The following ZBTB20 variants were observed in gnomAD, a reference collection of about 807,000 sequenced individuals.
ZBTB20 encodes the protein zinc finger and BTB domain-containing protein 20.
A neutral mutation model predicts 56.9 loss-of-function variants in ZBTB20; 9 were observed. The ratio of observed to expected loss-of-function variants is 0.16; its 90% CI spans 0.10 to 0.28. The LOEUF (loss-of-function observed/expected upper bound fraction) is 0.28, where lower values mean the gene tolerates loss of function less well. Among genes scored for constraint, ZBTB20 ranks in the 10% least tolerant of loss-of-function variants. The pLI, the probability that ZBTB20 is intolerant of heterozygous loss-of-function variation, is 1.00. For missense variants in ZBTB20, 655 were observed against 1,003.0 expected (o/e 0.65, Z 4.69); for synonymous variants, 417 against 420.7 (o/e 0.99, Z 0.11).
At chr3:114,933,680 G>GC (rs1048729707) in intron 3 of ZBTB20, among the ~76,000 whole-genome samples, 17 of 152,280 alleles carry the variant, frequency 1.1e-4, no homozygotes, top group African/African-American at 4.1e-4. Flanking sequence ...TCCTAGAACT[G>GC]CAACAGCTAA....
chr3:114,624,464 C>A (rs2058533936), intron 6 of ZBTB20, among the ~76,000 whole-genome samples: 1 of 151,640 alleles, frequency 6.6e-6, no homozygotes, highest in African/African-American at 2.4e-5. Context: ...CCTGAAACTA[C>A]CTCCCTCAAA....
At chr3:114,550,094 T>C (rs956873971) in intron 6 of ZBTB20, among the ~76,000 whole-genome samples, 17 of 151,410 alleles carry the variant, frequency 1.1e-4, no homozygotes, top group East Asian at 5.8e-4. Flanking sequence ...CCCGCCACCA[T>C]GCCTAGCTAA....
chr3:115,001,465 A>G (rs2079244592), intron 2 of ZBTB20, among the ~76,000 whole-genome samples: 1 of 151,390 alleles, frequency 6.6e-6, no homozygotes, highest in African/African-American at 2.4e-5. Flanking sequence ...ATCACATATT[A>G]AAAAAGAAGA....
chr3:114,502,703 G>A (rs2044144546), intron 6 of ZBTB20: 2 of 152,012 alleles, frequency 1.3e-5, no homozygotes, highest in Non-Finnish European at 2.9e-5. Context: ...TGCAAGCCAG[G>A]ATATTAGACT....
Position 114,316,862 on chromosome 3 carries a change from T to A in ZBTB20, c.*22143A>T. 4.5e-6 allele frequency: 1 copy of A among 223,648 alleles called. No individual in the cohort carries two copies. The highest frequency in any genetic ancestry group is 9.1e-6 in the Non-Finnish European group (1 of 110,386). The allele number at this position is 223,648 out of a possible 1,614,324, so 13.9% of individuals were successfully genotyped here. The stretch of plus-strand genomic sequence containing the variant: ...ATGGACATTCTGGACTCCGGGCACC[T>A]TAGCAGCAGCAGCAGCACCTTTATG... On this transcript the variant is annotated 3_prime_UTR_variant, in exon 12 of 12. Coordinates refer to ENST00000675478, the MANE Select transcript of ZBTB20 (RefSeq NM_001348800.3).
chr3:114,801,943 C>T (rs115347181), intron 4 of ZBTB20, among the ~76,000 whole-genome samples: 2,078 of 151,844 alleles, frequency 0.014, 24 homozygotes, highest in Non-Finnish European at 0.021. Flanking sequence ...GCATTAAGAG[C>T]TCCAAGTATA....
At position 114,805,318 on chromosome 3, in the gene ZBTB20, C is replaced by A. The variant is rs564893093; in HGVS notation, c.-416-4144G>T. On this transcript the variant is annotated intron_variant, in intron 4 of 11. Transcript: ENST00000675478. The stretch of plus-strand genomic sequence containing the variant: ...ATACTGCATTTTAATTGCCATGTCT[C>A]CTCAGTCTCTTCTGATCTGTGATAA... 6.3e-4 allele frequency among the ~76,000 whole-genome samples: 96 copies of A among 151,976 alleles called. 1 individual carries two copies. The South Asian group carries it at 0.019, about 31-fold the overall frequency.
chr3:114,688,464 TCTC>T (rs1216726546), intron 6 of ZBTB20: 1 of 152,114 alleles, frequency 6.6e-6, no homozygotes, highest in African/African-American at 2.4e-5. Context: ...GATTTATTCT[TCTC>T]CTCTATCATT....
chr3:115,132,284 T>C (rs2084529150), intron 1 of ZBTB20, among the ~76,000 whole-genome samples: 1 of 152,154 alleles, frequency 6.6e-6, no homozygotes. Context: ...TGTGTTTCTA[T>C]GGAAAATGGA....
chr3:114,580,959 T>C (rs2054583879), intron 6 of ZBTB20, among the ~76,000 whole-genome samples: 1 of 151,966 alleles, frequency 6.6e-6, no homozygotes, highest in Admixed American at 6.5e-5. Context: ...AAACTCATAT[T>C]GAATAGCAAA....
intron 6 of ZBTB20, among the ~76,000 whole-genome samples, chr3:114,552,179 T>C (rs972917154): frequency 2.6e-5 from 4 of 152,202 alleles, no homozygotes; most frequent in Non-Finnish European, 5.9e-5. Context: ...GTCATTGCAC[T>C]CCAGCCTGGG....
At chr3:114,852,633 T>G (rs1417429752) in intron 4 of ZBTB20, among the ~76,000 whole-genome samples, 2 of 152,194 alleles carry the variant, frequency 1.3e-5, no homozygotes, top group Non-Finnish European at 2.9e-5. Flanking sequence ...ATAGATATTA[T>G]TTTCTTGTAT....
intron 7 of ZBTB20, among the ~76,000 whole-genome samples, chr3:114,486,991 C>T: frequency 6.6e-6 from 1 of 152,114 alleles, no homozygotes; most frequent in East Asian, 1.9e-4. Context: ...AAAAAAAACT[C>T]TTAATTTTAT....
intron 3 of ZBTB20, among the ~76,000 whole-genome samples, chr3:114,952,767 C>T (rs1298731213): frequency 6.6e-6 from 1 of 151,874 alleles, no homozygotes; most frequent in African/African-American, 2.4e-5. Context: ...GGAAATGGCA[C>T]CCCTTTTTTA....
intron 1 of ZBTB20, among the ~76,000 whole-genome samples, chr3:115,122,862 T>C (rs1576811253): frequency 6.6e-6 from 1 of 152,104 alleles, no homozygotes; most frequent in African/African-American, 2.4e-5. Context: ...ATTTACCAAC[T>C]ACTGCTCACT....
At chr3:114,979,460 A>G (rs1486396053) in intron 2 of ZBTB20, among the ~76,000 whole-genome samples, 1 of 152,036 alleles carries the variant, frequency 6.6e-6, no homozygotes, top group Non-Finnish European at 1.5e-5. Context: ...TTAACATGTC[A>G]TTCAAAACAT....
intron 4 of ZBTB20, among the ~76,000 whole-genome samples, chr3:114,820,956 T>C (rs1190383845): frequency 6.6e-6 from 1 of 152,160 alleles, no homozygotes; most frequent in Non-Finnish European, 1.5e-5. Flanking sequence ...AATCTGAGAA[T>C]GTTTACTTGG....
chr3:115,036,082 TGAG>T (rs980082272), intron 2 of ZBTB20, among the ~76,000 whole-genome samples: 44 of 151,944 alleles, frequency 2.9e-4, no homozygotes, highest in Admixed American at 2.2e-3. Flanking sequence ...GAAGGAAAAA[TGAG>T]GAGTTGTTCT....
intron 6 of ZBTB20, among the ~76,000 whole-genome samples, chr3:114,629,982 T>C (rs2058853419): frequency 1.3e-5 from 2 of 152,050 alleles, no homozygotes; most frequent in Admixed American, 6.6e-5. Flanking sequence ...ATGCCGTTTC[T>C]ACAAAATATT....
Sources: allele counts gnomAD v4.1 joint callset (sites outside exome capture counted in the v4.1 genomes callset), GRCh38; gene constraint gnomAD v4.1.1; transcripts MANE v1.5; gene names NCBI Gene and HGNC (gene_info 2026-07-23, HGNC 2026-07-21).